Variants in PHETA2 observed in about 807,000 individuals in gnomAD.
The protein encoded by PHETA2 is PH domain containing endocytic trafficking adaptor 2.
For missense variants in PHETA2, 321 were observed against 341.3 expected, an observed-to-expected ratio of 0.94 and a Z score of 0.47; for synonymous variants, 133 against 142.9, an observed-to-expected ratio of 0.93 and a Z score of 0.50.
chr22:42,074,346 G>C lies in PHETA2; in HGVS notation c.-97+5G>C, dbSNP rs1927194533. 6.6e-6 allele frequency: 1 copy of C among 152,526 alleles called. No individual in the cohort carries two copies. The highest frequency in any genetic ancestry group is 2.1e-4 in the South Asian group (1 of 4,836). 9.4% of individuals were successfully genotyped at this position (152,526 alleles called of 1,614,324 possible). On this transcript the variant is annotated splice_donor_5th_base_variant and intron_variant, in intron 1 of 2. Transcript: ENST00000321753. ...CGGTGCGATCGGCGGCGGGAGGTGA[G>C]AGTGGGCCCGGCGGGCTCCGGGAGG...
Position 42,077,326 on chromosome 22 carries a change from T to A in PHETA2, c.33T>A (p.Tyr11Ter). 6.4e-7 allele frequency: 1 copy of A among 1,552,372 alleles called. No individual in the cohort carries two copies. Among genetic ancestry groups the A allele is most frequent in the Non-Finnish European group, 8.7e-7 (1 of 1,149,806 alleles). Residue 11 changes from tyrosine to a stop codon, truncating the protein, a stop_gained, in exon 3 of 3, where the codon TAT (tyrosine) becomes TAA (stop). Coordinates refer to ENST00000321753, the MANE Select transcript of PHETA2 (RefSeq NM_001002034.3). LOFTEE classifies it low-confidence loss of function (END_TRUNC). MKLNERSVAH[Y>*]ALSDSPADHM... ...TGAACGAGAGGAGTGTAGCCCACTA[T>A]GCACTCAGCGACTCCCCAGCGGACC...
Position 42,078,458 on chromosome 22 carries a change from C to T in PHETA2, c.*385C>T, listed in dbSNP as rs1475090414. On this transcript the variant is annotated 3_prime_UTR_variant, in exon 3 of 3. Coordinates refer to ENST00000321753, the MANE Select transcript of PHETA2 (RefSeq NM_001002034.3). ...GGGCTCTAGAGCCATAATTTCCAACCTGGGGAGTCTCCTGTGCACTTAAAT... is the reference window on the plus strand; with the variant it reads ...GGGCTCTAGAGCCATAATTTCCAACTTGGGGAGTCTCCTGTGCACTTAAAT... 1 of 215,806 alleles carries T rather than the reference C, an allele frequency of 4.6e-6. No individual in the cohort carries two copies. Among genetic ancestry groups the T allele is most frequent in the Admixed American group, 5.9e-5 (1 of 16,942 alleles). The allele number at this position is 215,806 out of a possible 1,614,324, so 13.4% of individuals were successfully genotyped here.
chr22:42,076,301 CTT>C (rs575874218), intron 2 of PHETA2: 9 of 145,842 alleles, frequency 6.2e-5, no homozygotes, highest in Non-Finnish European at 6.1e-5. Context: ...AATGTTATTT[CTT>C]TTTTTTTTTT....
At position 42,078,178 on chromosome 22, in the gene PHETA2, T is replaced by C. The variant is rs1047228556; in HGVS notation, c.*105T>C. On this transcript the variant is annotated 3_prime_UTR_variant, in exon 3 of 3. Transcript: ENST00000321753. The stretch of plus-strand genomic sequence containing the variant: ...TTGGGAGGGGACATGGGTTCTCTCC[T>C]TCCTGCTATTTAGGCATTCTCCAGG... The C allele has an allele frequency of 1.6e-5, 21 of 1,296,706 alleles. No homozygotes were observed. The highest frequency in any genetic ancestry group is 1.7e-5 in the Non-Finnish European group (16 of 962,954). The allele number at this position is 1,296,706 out of a possible 1,614,324, so 80.3% of individuals were successfully genotyped here.
In PHETA2 at chr22:42,079,276, A is replaced by G. The variant is rs1927518520; in HGVS notation, c.*1203A>G. On this transcript the variant is annotated 3_prime_UTR_variant, in exon 3 of 3. Transcript: ENST00000321753. ...AGGCTCTGAGCCTCTTACCCCTAAG[A>G]GGCGGAGATGCGCCCAAGGCGGGCG... The G allele has an allele frequency of 5.9e-6, 1 of 168,820 alleles. No individual in the cohort carries two copies. Among genetic ancestry groups the G allele is most frequent in the African/African-American group, 2.4e-5 (1 of 41,512 alleles). The allele number at this position is 168,820 out of a possible 1,614,324, so 10.5% of individuals were successfully genotyped here.
At chr22:42,074,682 A>G (rs975125929) in intron 1 of PHETA2, among the ~76,000 whole-genome samples, 6 of 152,196 alleles carry the variant, frequency 3.9e-5, no homozygotes, top group African/African-American at 1.4e-4. Flanking sequence ...GGGAGGGGTC[A>G]TGGCCCCACG....
chr22:42,074,625 C>T (rs1373917992), intron 1 of PHETA2, among the ~76,000 whole-genome samples: 2 of 152,212 alleles, frequency 1.3e-5, no homozygotes, highest in Admixed American at 1.3e-4. Flanking sequence ...GGCCTGGCCC[C>T]CCTACTGGTG....
At position 42,078,507 on chromosome 22, in the gene PHETA2, T is replaced by C. The variant is rs920157307; in HGVS notation, c.*434T>C. 13 of 179,108 alleles carry C rather than the reference T, an allele frequency of 7.3e-5. No homozygotes were observed. Among genetic ancestry groups the C allele is most frequent in the Non-Finnish European group, 1.0e-4 (8 of 76,764 alleles). The allele number at this position is 179,108 out of a possible 1,614,324, so 11.1% of individuals were successfully genotyped here. A position where few individuals can be genotyped will look rare whatever the true frequency, so the allele number is the denominator to read the frequency against. Reference sequence around the variant, plus strand: ...ATCCGAGGTAGGCTGCAGTATCGGCTTGAAGCTCTGACACTGTCAGAGAAA... The same window carrying C: ...ATCCGAGGTAGGCTGCAGTATCGGCCTGAAGCTCTGACACTGTCAGAGAAA... On this transcript the variant is annotated 3_prime_UTR_variant, in exon 3 of 3. Transcript: ENST00000321753.
Position 42,077,316 on chromosome 22 carries a change from T to G in PHETA2, c.23T>G (p.Val8Gly). 3 of 1,538,666 alleles carry G rather than the reference T, an allele frequency of 1.9e-6. No homozygotes were observed. The highest frequency in any genetic ancestry group is 2.6e-6 in the Non-Finnish European group (3 of 1,143,406). The change falls in exon 3 of 3, where the codon GTA becomes GGA. Residue 8 changes from valine (V) to glycine (G), a missense_variant. Transcript: ENST00000321753. ...GCCATGAAGCTGAACGAGAGGAGTG[T>G]AGCCCACTATGCACTCAGCGACTCC... MKLNERS[V>G]AHYALSDSPA...
In PHETA2 at chr22:42,077,225, G is replaced by A. The variant is rs528066986; in HGVS notation, c.-14-55G>A. Reference sequence around the variant, plus strand: ...CTCTGGAGCCGGTGCTGTTCCCCAGGAGGGCACGGAACCACCTCCCTCTCT... The same window carrying A: ...CTCTGGAGCCGGTGCTGTTCCCCAGAAGGGCACGGAACCACCTCCCTCTCT... On this transcript the variant is annotated intron_variant, in intron 2 of 2. Coordinates refer to ENST00000321753, the MANE Select transcript of PHETA2 (RefSeq NM_001002034.3). 229 of 1,486,234 alleles carry A rather than the reference G, an allele frequency of 1.5e-4. No individual in the cohort carries two copies. In the Admixed American group the frequency reaches 1.8e-3, roughly 12 times the overall value. 92.1% of individuals were successfully genotyped at this position (1,486,234 alleles called of 1,614,324 possible).
At chr22:42,076,488 C>T (rs1927286275) in intron 2 of PHETA2, among the ~76,000 whole-genome samples, 1 of 152,024 alleles carries the variant, frequency 6.6e-6, no homozygotes, top group Non-Finnish European at 1.5e-5. Flanking sequence ...GACGGGGTTT[C>T]ACCATGTTGG....
Position 42,079,285 on chromosome 22 carries a change from T to C in PHETA2, c.*1212T>C, listed in dbSNP as rs1927519992. 5.9e-6 allele frequency: 1 copy of C among 169,358 alleles called. No homozygotes were observed. Among genetic ancestry groups the C allele is most frequent in the African/African-American group, 2.4e-5 (1 of 41,542 alleles). The allele number at this position is 169,358 out of a possible 1,614,324, so 10.5% of individuals were successfully genotyped here. A position where few individuals can be genotyped will look rare whatever the true frequency, so the allele number is the denominator to read the frequency against. On this transcript the variant is annotated 3_prime_UTR_variant, in exon 3 of 3. Transcript: ENST00000321753. ...GCCTCTTACCCCTAAGAGGCGGAGA[T>C]GCGCCCAAGGCGGGCGCCCGGCCTG...
chr22:42,076,033 CT>C (rs1195514136), intron 2 of PHETA2: 9 of 183,078 alleles, frequency 4.9e-5, no homozygotes, highest in South Asian at 2.2e-4. Context: ...ATCTCTTTTT[CT>C]TTTTTTTTCT....
chr22:42,075,894 G>A lies in PHETA2; in HGVS notation c.-15+242G>A, dbSNP rs368678446. The stretch of plus-strand genomic sequence containing the variant: ...ACAGAGTAGCTCCCCATCTGGCCCT[G>A]AAGGCTGCAGATTGAGACAGAAAAA... On this transcript the variant is annotated intron_variant, in intron 2 of 2. Coordinates refer to ENST00000321753, the MANE Select transcript of PHETA2 (RefSeq NM_001002034.3). This position sits in a 1 kb window ranked among gnomAD's most constrained non-coding sequence, Gnocchi z 4.8. 1.4e-4 allele frequency among the ~76,000 whole-genome samples: 22 copies of A among 152,312 alleles called. No homozygotes were observed. In the East Asian group the frequency reaches 3.1e-3, roughly 21 times the overall value.
At position 42,079,431 on chromosome 22, in the gene PHETA2, C is replaced by T; in HGVS notation, c.*1358C>T. 2.9e-6 allele frequency: 1 copy of T among 345,234 alleles called. No individual in the cohort carries two copies. 21.4% of individuals were successfully genotyped at this position (345,234 alleles called of 1,614,324 possible). On this transcript the variant is annotated 3_prime_UTR_variant, in exon 3 of 3. Coordinates refer to ENST00000321753, the MANE Select transcript of PHETA2 (RefSeq NM_001002034.3). ...GGTTAAAACACTAGTAAAGCTTTTT[C>T]GTTATTACTCCTTCCGCTCCCTGGG...
Position 42,079,252 on chromosome 22 carries a change from G to A in PHETA2, c.*1179G>A, listed in dbSNP as rs1028949682. 4.2e-5 allele frequency: 7 copies of A among 167,960 alleles called. No homozygotes were observed. The highest frequency in any genetic ancestry group is 1.7e-4 in the African/African-American group (7 of 41,496). 10.4% of individuals were successfully genotyped at this position (167,960 alleles called of 1,614,324 possible). A position where few individuals can be genotyped will look rare whatever the true frequency, so the allele number is the denominator to read the frequency against. On this transcript the variant is annotated 3_prime_UTR_variant, in exon 3 of 3. Coordinates refer to ENST00000321753, the MANE Select transcript of PHETA2 (RefSeq NM_001002034.3). ...CGCATCCAACTAGGCCTAAGGGGTAGGCTCTGAGCCTCTTACCCCTAAGAG... is the reference window on the plus strand; with the variant it reads ...CGCATCCAACTAGGCCTAAGGGGTAAGCTCTGAGCCTCTTACCCCTAAGAG...
At chr22:42,077,120 G>A (rs1602504506) in intron 2 of PHETA2, among the ~76,000 whole-genome samples, 160 bp from the exon 3 acceptor site, 1 of 152,092 alleles carries the variant, frequency 6.6e-6, no homozygotes, top group Admixed American at 6.5e-5. Context: ...AAGGAAAGAC[G>A]AGCCCACTTC....
rs140273019 is a variant in PHETA2 at position 42,077,533 on chromosome 22, C to T, written c.240C>T (p.Pro80=). 49 of 1,614,164 alleles carry T rather than the reference C, an allele frequency of 3.0e-5. No homozygotes were observed. In the African/African-American group the frequency reaches 3.9e-4, roughly 13 times the overall value. ...EGCTVELAEA[P]VPEEFAFAIC... is the part of the protein sequence containing the mutation. The stretch of plus-strand genomic sequence containing the variant: ...GCACAGTGGAACTGGCCGAGGCTCC[C>T]GTGCCCGAGGAGTTTGCCTTTGCCA... The change falls in exon 3 of 3, where the codon CCC becomes CCT. Residue 80 remains proline, a synonymous_variant. Transcript: ENST00000321753.
rs540072668 is a variant in PHETA2, at chr22:42,079,122, G to A, written c.*1049G>A. 5.1e-4 allele frequency: 85 copies of A among 167,376 alleles called. No individual in the cohort carries two copies. The highest frequency in any genetic ancestry group is 8.7e-4 in the Non-Finnish European group (59 of 68,206). The allele number at this position is 167,376 out of a possible 1,614,324, so 10.4% of individuals were successfully genotyped here. ...AGAGCCTGACCATACTGACGCTCCAGGGGGAAGACGCAGAGGCCGGGAAGA... is the reference window on the plus strand; with the variant it reads ...AGAGCCTGACCATACTGACGCTCCAAGGGGAAGACGCAGAGGCCGGGAAGA... On this transcript the variant is annotated 3_prime_UTR_variant, in exon 3 of 3. Transcript: ENST00000321753.
Sources: gnomAD v4.1 joint callset for allele counts (sites outside exome capture counted in the v4.1 genomes callset) on GRCh38, gnomAD v4.1.1 for gene constraint, Gnocchi (gnomAD v3.1) non-coding constraint, MANE v1.5 for transcripts, NCBI Gene and HGNC (gene_info 2026-07-23, HGNC 2026-07-21) for gene names.